Variants in AP4M1 observed in about 807,000 individuals in gnomAD.
AP4M1 encodes the protein AP-4 complex subunit mu-1.
Under a neutral mutation model 62.4 loss-of-function variants are expected in AP4M1, and 58 were observed. That is an observed-to-expected ratio of 0.93 (90% CI 0.75 to 1.16). AP4M1 has a LOEUF of 1.16. Among genes scored for constraint, AP4M1 ranks in the 50% most tolerant of loss-of-function variants. The pLI, the probability that AP4M1 is intolerant of heterozygous loss-of-function variation, is 0.00. For synonymous variants in AP4M1, 290 were observed against 239.7 expected, an observed-to-expected ratio of 1.21 and a Z score of -1.94; for missense variants, 626 against 585.4, an observed-to-expected ratio of 1.07 and a Z score of -0.72.
chr7:100,100,864 G>A (rs942573201), upstream of AP4M1: 2 of 1,035,366 alleles, frequency 1.9e-6, no homozygotes, highest in Non-Finnish European at 2.3e-6. Context: ...CCGCCCCCGG[G>A]GCCTACGCGC....
upstream of AP4M1, chr7:100,101,306 G>A: frequency 1.2e-6 from 2 of 1,613,166 alleles, no homozygotes; most frequent in East Asian, 2.2e-5. Flanking sequence ...GCTGCCGAGG[G>A]CCGTGCGGCC....
upstream of AP4M1, chr7:100,101,352 A>G (rs1796018371): frequency 6.2e-7 from 1 of 1,609,214 alleles, no homozygotes. Context: ...CTCCTGGGGA[A>G]GCTGAGAATC....
At chr7:100,101,057 A>C, upstream of AP4M1, 3 of 709,270 alleles carry the variant, frequency 4.2e-6, no homozygotes, top group Non-Finnish European at 6.8e-6. Flanking sequence ...ACCAGGTGGG[A>C]TTACTAGCTT....
At chr7:100,101,604 G>T, upstream of AP4M1, 1 of 1,171,994 alleles carries the variant, frequency 8.5e-7, no homozygotes, top group Non-Finnish European at 1.3e-6. Flanking sequence ...TGGCGCGGGC[G>T]GAGGAGAATC....
At position 100,107,273 on chromosome 7, in the gene AP4M1, G is replaced by A. The variant is rs1796611804; in HGVS notation, c.*391G>A. 3 of 1,523,630 alleles carry A rather than the reference G, an allele frequency of 2.0e-6. No individual in the cohort carries two copies. Among genetic ancestry groups the A allele is most frequent in the Admixed American group, 2.2e-5 (1 of 44,928 alleles). The allele number at this position is 1,523,630 out of a possible 1,614,324, so 94.4% of individuals were successfully genotyped here. Reference sequence around the variant, plus strand: ...ACGGAGCAGGCTGAGGGGAGCCGGAGTTGGGCTGGGAGCCATTGGCTTTTG... The same window carrying A: ...ACGGAGCAGGCTGAGGGGAGCCGGAATTGGGCTGGGAGCCATTGGCTTTTG... On this transcript the variant is annotated 3_prime_UTR_variant, in exon 15 of 15. Transcript: ENST00000359593.
At chr7:100,102,982 C>A (rs772801136) in intron 4 of AP4M1, 22 bp downstream of exon 4, 1 of 1,600,952 alleles carries the variant, frequency 6.2e-7, no homozygotes, top group South Asian at 1.1e-5. Flanking sequence ...CAATCCCCTT[C>A]TGTGGCCCCT....
In AP4M1 at chr7:100,108,496, G is replaced by A. The variant is rs775428705; in HGVS notation, c.*1614G>A. 8 of 1,613,588 alleles carry A rather than the reference G, an allele frequency of 5.0e-6. No homozygotes were observed. The highest frequency in any genetic ancestry group is 4.0e-5 in the African/African-American group (3 of 74,934). ...ATTCTGCCCGATAGGCGTCCTGATT[G>A]TCAGGCGGTGGGCGCAGCTTTGCCA... On this transcript the variant is annotated 3_prime_UTR_variant, in exon 15 of 15. Transcript: ENST00000359593.
chr7:100,100,942 A>G (rs1021167753), upstream of AP4M1: 3 of 1,002,852 alleles, frequency 3.0e-6, no homozygotes, highest in South Asian at 3.0e-5. Flanking sequence ...GGGAGCCCAG[A>G]GCCCTTAAGA....
In AP4M1 at chr7:100,108,158, A is replaced by G. The variant is rs751498567; in HGVS notation, c.*1276A>G. ...GAAGAGGAAAGGGGGAAGTGGCACC[A>G]TCTACTAAGAAGAGGAGTCTGAAGG... On this transcript the variant is annotated 3_prime_UTR_variant, in exon 15 of 15. Coordinates refer to ENST00000359593, the MANE Select transcript of AP4M1 (RefSeq NM_004722.4). 3.0e-5 allele frequency: 47 copies of G among 1,561,918 alleles called. 1 individual carries two copies. In the South Asian group the frequency reaches 5.5e-4, roughly 18 times the overall value.
In AP4M1 at chr7:100,108,269, T is replaced by A. The variant is rs1796772602; in HGVS notation, c.*1387T>A. 1 of 1,478,212 alleles carries A rather than the reference T, an allele frequency of 6.8e-7. No individual in the cohort carries two copies. Among genetic ancestry groups the A allele is most frequent in the East Asian group, 2.4e-5 (1 of 42,084 alleles). The allele number at this position is 1,478,212 out of a possible 1,614,324, so 91.6% of individuals were successfully genotyped here. ...ACTCAGGGCCTGGTTGCCCTGAGAC[T>A]ACTGACTGAGGGCACATGTGGCTGT... On this transcript the variant is annotated 3_prime_UTR_variant, in exon 15 of 15. Transcript: ENST00000359593.
Position 100,108,127 on chromosome 7 carries a change from C to A in AP4M1, c.*1245C>A. The A allele has an allele frequency of 6.3e-7, 1 of 1,590,740 alleles. No individual in the cohort carries two copies. ...AGAGGGTCAGCGTGGGCCGGGGCTG[C>A]GGGGAGAAGAGGAAAGGGGGAAGTG... is the stretch of plus-strand genomic sequence containing the variant. On this transcript the variant is annotated 3_prime_UTR_variant, in exon 15 of 15. Coordinates refer to ENST00000359593, the MANE Select transcript of AP4M1 (RefSeq NM_004722.4).
intron 13 of AP4M1, 46 bp downstream of exon 13, chr7:100,106,337 A>T (rs1278026755): frequency 6.2e-7 from 1 of 1,613,070 alleles, no homozygotes; most frequent in Non-Finnish European, 8.5e-7. Flanking sequence ...GGAGAGAGTG[A>T]GCTCAGCATG....
intron 2 of AP4M1, 189 bp downstream of exon 2, chr7:100,102,157 G>T: frequency 1.5e-6 from 1 of 668,482 alleles, no homozygotes; most frequent in South Asian, 1.8e-5. Flanking sequence ...GAGGCGGGCG[G>T]ATCACCTGAG....
upstream of AP4M1, chr7:100,101,599 C>G (rs916275634): frequency 8.8e-7 from 1 of 1,141,628 alleles, no homozygotes. Context: ...CGAGCTGGCG[C>G]GGGCGGAGGA....
upstream of AP4M1, chr7:100,101,553 G>A (rs1427225976): frequency 1.7e-5 from 14 of 832,294 alleles, no homozygotes; most frequent in East Asian, 2.6e-5. Context: ...GGGAATCTCC[G>A]GGCGGGGTAG....
chr7:100,101,176 C>T, upstream of AP4M1: 3 of 1,545,340 alleles, frequency 1.9e-6, no homozygotes, highest in Non-Finnish European at 1.8e-6. Context: ...CCGCCGACCC[C>T]GGTCCCCCAA....
At chr7:100,106,097 G>A in intron 12 of AP4M1, 94 bp downstream of exon 12, 1 of 1,559,188 alleles carries the variant, frequency 6.4e-7, no homozygotes, top group Non-Finnish European at 8.8e-7. Context: ...GCAGCTGCCA[G>A]CCTCAGAAGC....
At position 100,104,920 on chromosome 7, in the gene AP4M1, GCTTC is replaced by G; in HGVS notation, c.660_663del (p.Pro221AlafsTer9). 1 of 1,614,194 alleles carries G rather than the reference GCTTC, an allele frequency of 6.2e-7. No homozygotes were observed. The highest frequency in any genetic ancestry group is 8.5e-7 in the Non-Finnish European group (1 of 1,180,026). On this transcript the variant is annotated frameshift_variant, in exon 8 of 15. Coordinates refer to ENST00000359593, the MANE Select transcript of AP4M1 (RefSeq NM_004722.4). LOFTEE classifies it high-confidence loss of function. Reference sequence around the variant, plus strand: ...GTGCAGGGAGAGATTCGGCTCAAGAGCTTCCTTCCTAGCGGCTCTGGTGAGGCAT... The same window carrying G: ...GTGCAGGGAGAGATTCGGCTCAAGAGCTTCCTAGCGGCTCTGGTGAGGCAT...
At position 100,108,120 on chromosome 7, in the gene AP4M1, G is replaced by A. The variant is rs769516612; in HGVS notation, c.*1238G>A. 7.5e-6 allele frequency: 12 copies of A among 1,594,760 alleles called. No homozygotes were observed. The highest frequency in any genetic ancestry group is 2.3e-5 in the East Asian group (1 of 44,368). ...GCCTGCGAGAGGGTCAGCGTGGGCCGGGGCTGCGGGGAGAAGAGGAAAGGG... is the reference window on the plus strand; with the variant it reads ...GCCTGCGAGAGGGTCAGCGTGGGCCAGGGCTGCGGGGAGAAGAGGAAAGGG... On this transcript the variant is annotated 3_prime_UTR_variant, in exon 15 of 15. Coordinates refer to ENST00000359593, the MANE Select transcript of AP4M1 (RefSeq NM_004722.4).
Sources: allele counts gnomAD v4.1 joint callset, GRCh38; gene constraint gnomAD v4.1.1; transcripts MANE v1.5; gene names NCBI Gene and HGNC (gene_info 2026-07-23, HGNC 2026-07-21).